HFE: variants seen among roughly 807,000 people sequenced by gnomAD.
The protein encoded by HFE is hereditary hemochromatosis protein.
In HFE, 36 loss-of-function variants were observed where a neutral mutation model predicts 40.9. That is an observed-to-expected ratio of 0.88 (90% CI 0.67 to 1.16). The LOEUF (loss-of-function observed/expected upper bound fraction) is 1.16. Among genes scored for constraint, HFE ranks in the 50% most tolerant of loss-of-function variants. The probability of loss-of-function intolerance (pLI) is 0.00; values close to 1 mark genes in which losing one functional copy is unlikely to be tolerated. For missense variants in HFE, 376 were observed against 432.0 expected (o/e 0.87, Z 1.15); for synonymous variants, 157 against 165.4 (o/e 0.95, Z 0.39).
In HFE at chr6:26,094,523, T is replaced by G. The variant is rs916297336; in HGVS notation, c.*297T>G. 2 of 696,440 alleles carry G rather than the reference T, an allele frequency of 2.9e-6. No homozygotes were observed. Among genetic ancestry groups the G allele is most frequent in the African/African-American group, 3.5e-5 (2 of 56,860 alleles). 43.1% of individuals were successfully genotyped at this position (696,440 alleles called of 1,614,324 possible). A position where few individuals can be genotyped will look rare whatever the true frequency, so the allele number is the denominator to read the frequency against. ...CATTTCCTCCGTCACCTCAGAGACATACACCTATGTCATTTCATTTCCTAT... is the reference window on the plus strand; with the variant it reads ...CATTTCCTCCGTCACCTCAGAGACAGACACCTATGTCATTTCATTTCCTAT... On this transcript the variant is annotated 3_prime_UTR_variant, in exon 6 of 6. Transcript: ENST00000357618.
At chr6:26,091,133 G>A (rs759379551) in intron 2 of HFE, 29 bp downstream of exon 2, 1 of 1,613,634 alleles carries the variant, frequency 6.2e-7, no homozygotes, top group Non-Finnish European at 8.5e-7. Context: ...TCACCTTCCT[G>A]AGGTTGTCAG....
At position 26,096,627 on chromosome 6, in the gene HFE, A is replaced by AT; in HGVS notation, c.*2405dup. On this transcript the variant is annotated 3_prime_UTR_variant, in exon 6 of 6. Coordinates refer to ENST00000357618, the MANE Select transcript of HFE (RefSeq NM_000410.4). ...GATATCTCATCTCTTCTTTTAAACCATTTTCTTTTTTTGTGGTTAGAAAAG... is the reference window on the plus strand; with the variant it reads ...GATATCTCATCTCTTCTTTTAAACCATTTTTCTTTTTTTGTGGTTAGAAAAG... 2.2e-6 allele frequency: 1 copy of AT among 449,084 alleles called. No homozygotes were observed. Among genetic ancestry groups the AT allele is most frequent in the Admixed American group, 2.4e-5 (1 of 40,984 alleles). The allele number at this position is 449,084 out of a possible 1,614,324, so 27.8% of individuals were successfully genotyped here.
chr6:26,088,316 T>A (rs1428426554), intron 1 of HFE, among the ~76,000 whole-genome samples: 1 of 152,244 alleles, frequency 6.6e-6, no homozygotes. Flanking sequence ...ACTTCTAAGT[T>A]ACATTCATAT....
In HFE at chr6:26,087,501, C is replaced by G; in HGVS notation, c.61C>G (p.Gln21Glu). 6.2e-7 allele frequency: 1 copy of G among 1,613,528 alleles called. No individual in the cohort carries two copies. The highest frequency in any genetic ancestry group is 8.5e-7 in the Non-Finnish European group (1 of 1,179,546). Residue 21 changes from glutamine (Q) to glutamate (E), a missense_variant, in exon 1 of 6, where the codon CAG becomes GAG. Gln to Glu is a conservative substitution (Grantham distance 29). Transcript: ENST00000357618. ...LLMLLQTAVL[Q>E]GRLLRSHSLH... is the part of the protein sequence containing the mutation. Reference sequence around the variant, plus strand: ...GATGCTTTTGCAGACCGCGGTCCTGCAGGGGCGCTTGCTGCGTGAGTCCGA... The same window carrying G: ...GATGCTTTTGCAGACCGCGGTCCTGGAGGGGCGCTTGCTGCGTGAGTCCGA...
intron 2 of HFE, 28 bp from the exon 3 acceptor site, chr6:26,091,286 C>T: frequency 1.2e-6 from 2 of 1,614,022 alleles, no homozygotes; most frequent in South Asian, 2.2e-5. Context: ...CCTTTGGTTG[C>T]AGTTAACAAG....
rs1763092438 is a variant in HFE, at chr6:26,097,688, G to A, written c.*3462G>A. ...GGCCATTGCTGAGCTGCCTGAACTG[G>A]GAACACAACAGAAGGAAAACAAACC... On this transcript the variant is annotated 3_prime_UTR_variant, in exon 6 of 6. Coordinates refer to ENST00000357618, the MANE Select transcript of HFE (RefSeq NM_000410.4). 1 of 152,150 alleles carries A rather than the reference G, an allele frequency of 6.6e-6. No homozygotes were observed. Among genetic ancestry groups the A allele is most frequent in the Non-Finnish European group, 1.5e-5 (1 of 68,032 alleles). 9.4% of individuals were successfully genotyped at this position (152,150 alleles called of 1,614,324 possible). A position where few individuals can be genotyped will look rare whatever the true frequency, so the allele number is the denominator to read the frequency against.
In HFE at chr6:26,093,233, G is replaced by A. The variant is rs573745685; in HGVS notation, c.1006+1G>A. On this transcript the variant is annotated splice_donor_variant, in intron 5 of 5. Coordinates refer to ENST00000357618, the MANE Select transcript of HFE (RefSeq NM_000410.4). LOFTEE classifies it high-confidence loss of function. ...ATATTAAGGAAGAGGCAGGGTTCAA[G>A]TGAGTAGGAACAAGGGGGAAGTCTC... 1.7e-5 allele frequency: 27 copies of A among 1,601,778 alleles called. No individual in the cohort carries two copies. The East Asian group carries it at 5.4e-4, about 32-fold the overall frequency.
chr6:26,089,347 G>C (rs1417236156), intron 1 of HFE, among the ~76,000 whole-genome samples: 1 of 152,122 alleles, frequency 6.6e-6, no homozygotes, highest in African/African-American at 2.4e-5. Context: ...GTAGGTAATG[G>C]GCTCAGAAGA....
Position 26,096,631 on chromosome 6 carries a change from T to C in HFE, c.*2405T>C, listed in dbSNP as rs1346807752. ...TCTCATCTCTTCTTTTAAACCATTT[T>C]CTTTTTTTGTGGTTAGAAAAGTTAT... is the stretch of plus-strand genomic sequence containing the variant. On this transcript the variant is annotated 3_prime_UTR_variant, in exon 6 of 6. Coordinates refer to ENST00000357618, the MANE Select transcript of HFE (RefSeq NM_000410.4). 2 of 448,472 alleles carry C rather than the reference T, an allele frequency of 4.5e-6. No individual in the cohort carries two copies. 27.8% of individuals were successfully genotyped at this position (448,472 alleles called of 1,614,324 possible).
intron 1 of HFE, among the ~76,000 whole-genome samples, chr6:26,087,726 C>T (rs962577458): frequency 6.6e-6 from 1 of 152,192 alleles, no homozygotes; most frequent in Non-Finnish European, 1.5e-5. Flanking sequence ...AGGACCTGCC[C>T]CCTCCCCCGG....
At chr6:26,093,823 T>C (rs940909555) in intron 5 of HFE, among the ~76,000 whole-genome samples, 1 of 152,114 alleles carries the variant, frequency 6.6e-6, no homozygotes, top group Non-Finnish European at 1.5e-5. Context: ...CAATTATGCA[T>C]TTCTACCCCC....
At chr6:26,089,107 G>GA (rs1762486060) in intron 1 of HFE, among the ~76,000 whole-genome samples, 1 of 101,420 alleles carries the variant, frequency 9.9e-6, no homozygotes, top group African/African-American at 4.5e-5. Context: ...GTGTGTGTGT[G>GA]TGGGGGGGGG....
At chr6:26,092,362 C>T (rs530890535) in intron 3 of HFE, among the ~76,000 whole-genome samples, 1 of 152,152 alleles carries the variant, frequency 6.6e-6, no homozygotes, top group South Asian at 2.1e-4. Context: ...AACAATGCCT[C>T]CTAGGTTGAC....
At position 26,096,567 on chromosome 6, in the gene HFE, A is replaced by G. The variant is rs1405602761; in HGVS notation, c.*2341A>G. On this transcript the variant is annotated 3_prime_UTR_variant, in exon 6 of 6. Transcript: ENST00000357618. The stretch of plus-strand genomic sequence containing the variant: ...TGCTTCAGGATACCATATACAGCTC[A>G]GAAGTTTCTTCTTTAGGCATTAAAT... 1 of 456,362 alleles carries G rather than the reference A, an allele frequency of 2.2e-6. No individual in the cohort carries two copies. The highest frequency in any genetic ancestry group is 4.4e-6 in the Non-Finnish European group (1 of 226,814). The allele number at this position is 456,362 out of a possible 1,614,324, so 28.3% of individuals were successfully genotyped here.
chr6:26,089,823 A>T (rs1762551018), intron 1 of HFE, among the ~76,000 whole-genome samples: 1 of 152,024 alleles, frequency 6.6e-6, no homozygotes. Flanking sequence ...GCTACTCGGG[A>T]GGCTGAGGTG....
chr6:26,092,674 TTCCTG>T lies in HFE; in HGVS notation c.617-8_617-4del. The T allele has an allele frequency of 6.2e-7, 1 of 1,614,182 alleles. No homozygotes were observed. Among genetic ancestry groups the T allele is most frequent in the Non-Finnish European group, 8.5e-7 (1 of 1,180,016 alleles). ...GATCCCCTCTCCTCATCCTTCCTCT[TTCCTG>T]TCAAGTGCCTCCTTTGGTGAAGGTG... On this transcript the variant is annotated splice_region_variant and splice_polypyrimidine_tract_variant and intron_variant, in intron 3 of 5. Coordinates refer to ENST00000357618, the MANE Select transcript of HFE (RefSeq NM_000410.4).
Position 26,096,650 on chromosome 6 carries a change from A to G in HFE, c.*2424A>G, listed in dbSNP as rs1303217352. On this transcript the variant is annotated 3_prime_UTR_variant, in exon 6 of 6. Transcript: ENST00000357618. ...CCATTTTCTTTTTTTGTGGTTAGAAAAGTTATGTAGAAAAAAGTAAATGTG... is the reference window on the plus strand; with the variant it reads ...CCATTTTCTTTTTTTGTGGTTAGAAGAGTTATGTAGAAAAAAGTAAATGTG... 4.9e-5 allele frequency: 22 copies of G among 445,678 alleles called. No homozygotes were observed. The highest frequency in any genetic ancestry group is 8.9e-5 in the Non-Finnish European group (20 of 224,554). The allele number at this position is 445,678 out of a possible 1,614,324, so 27.6% of individuals were successfully genotyped here.
At chr6:26,088,153 G>A (rs1349167434) in intron 1 of HFE, among the ~76,000 whole-genome samples, 3 of 152,202 alleles carry the variant, frequency 2.0e-5, no homozygotes, top group Non-Finnish European at 2.9e-5. Flanking sequence ...CTTGGCAATT[G>A]TTCTTTTGCC....
chr6:26,091,496 C>CG lies in HFE; in HGVS notation c.526dup (p.Ala176GlyfsTer68). The CG allele has an allele frequency of 6.2e-7, 1 of 1,614,110 alleles. No individual in the cohort carries two copies. The highest frequency in any genetic ancestry group is 1.7e-5 in the Admixed American group (1 of 60,024). The stretch of plus-strand genomic sequence containing the variant: ...GCTGGAGTGGGAAAGGCACAAGATT[C>CG]GGGCCAGGCAGAACAGGGCCTACCT... On this transcript the variant is annotated frameshift_variant, in exon 3 of 6. Coordinates refer to ENST00000357618, the MANE Select transcript of HFE (RefSeq NM_000410.4). LOFTEE classifies it high-confidence loss of function.
Sources: gnomAD v4.1 joint callset for allele counts (sites outside exome capture counted in the v4.1 genomes callset) on GRCh38, gnomAD v4.1.1 for gene constraint, MANE v1.5 for transcripts, NCBI Gene and HGNC (gene_info 2026-07-23, HGNC 2026-07-21) for gene names.